Variants in NT5C2 observed in about 807,000 individuals in gnomAD.
The protein encoded by NT5C2 is cytosolic purine 5'-nucleotidase.
NT5C2 carries 58 observed loss-of-function variants against 76.1 expected under a neutral mutation model. The observed-to-expected ratio is 0.76, with a 90% confidence interval of 0.62 to 0.95. The LOEUF is 0.95. Among genes scored for constraint, NT5C2 ranks in the 40% least tolerant of loss-of-function variants. The pLI is 0.00. For synonymous variants in NT5C2, 229 were observed against 237.4 expected (o/e 0.96, Z 0.32); for missense variants, 478 against 690.3 (o/e 0.69, Z 3.45).
chr10:103,149,845 A>C (rs1426631331), intron 3 of NT5C2, among the ~76,000 whole-genome samples: 7 of 151,740 alleles, frequency 4.6e-5, no homozygotes, highest in Non-Finnish European at 1.0e-4. Flanking sequence ...CCTAAACGAC[A>C]GCAACTCTAG....
chr10:103,127,143 T>C (rs1293319329), intron 4 of NT5C2, among the ~76,000 whole-genome samples: 1 of 152,176 alleles, frequency 6.6e-6, no homozygotes, highest in Non-Finnish European at 1.5e-5. Context: ...TTAACTGTAG[T>C]TAAAGCATAA....
chr10:103,123,845 A>AC (rs1354103658), intron 4 of NT5C2, among the ~76,000 whole-genome samples: 1 of 146,826 alleles, frequency 6.8e-6, no homozygotes, highest in Non-Finnish European at 1.5e-5. Flanking sequence ...AGCCTTCGAA[A>AC]TTGGGGGGGG....
At chr10:103,103,624 A>G (rs1590824016) in intron 6 of NT5C2, among the ~76,000 whole-genome samples, 1 of 152,208 alleles carries the variant, frequency 6.6e-6, no homozygotes, top group Non-Finnish European at 1.5e-5. Flanking sequence ...GTAATATATC[A>G]TAAAAGAAAT....
chr10:103,156,163 G>GA (rs945632337), intron 3 of NT5C2, among the ~76,000 whole-genome samples: 3 of 151,498 alleles, frequency 2.0e-5, no homozygotes, highest in African/African-American at 4.9e-5. Context: ...TCCATCTCTT[G>GA]AAAAAAAAAT....
chr10:103,132,058 C>T (rs1224998963), intron 4 of NT5C2, among the ~76,000 whole-genome samples: 22 of 151,842 alleles, frequency 1.4e-4, no homozygotes, highest in Admixed American at 1.4e-3. Context: ...CTGACCAACA[C>T]GGTGAAACCC....
At chr10:103,162,497 C>T (rs2085173560) in intron 3 of NT5C2, among the ~76,000 whole-genome samples, 1 of 151,978 alleles carries the variant, frequency 6.6e-6, no homozygotes, top group Admixed American at 6.6e-5. Context: ...CAACTTAAAA[C>T]CAAAAGGAGA....
At chr10:103,182,764 C>T (rs1276275206) in intron 1 of NT5C2, among the ~76,000 whole-genome samples, 3 of 152,130 alleles carry the variant, frequency 2.0e-5, no homozygotes, top group Non-Finnish European at 4.4e-5. Context: ...TTCTCACCAG[C>T]CTGAAACTTA....
chr10:103,109,101 C>T (rs566938410), intron 4 of NT5C2, among the ~76,000 whole-genome samples: 6 of 152,172 alleles, frequency 3.9e-5, no homozygotes, highest in Admixed American at 1.3e-4. Context: ...CCGCCTGCCT[C>T]GGGCTCCCAA....
At chr10:103,188,105 C>T (rs1320236488) in intron 1 of NT5C2, among the ~76,000 whole-genome samples, 1 of 152,114 alleles carries the variant, frequency 6.6e-6, no homozygotes, top group Non-Finnish European at 1.5e-5. Flanking sequence ...GCCTGTAATC[C>T]CAATGCTTTG....
At chr10:103,183,275 A>AATATATATATATTTTATATATATATATAT (rs1554841646) in intron 1 of NT5C2, among the ~76,000 whole-genome samples, 1 of 104,922 alleles carries the variant, frequency 9.5e-6, no homozygotes, top group East Asian at 5.0e-4. Flanking sequence ...ATATATATAT[A>AATATATATATATTTTATATATATATATAT]TATATATATA....
chr10:103,190,614 G>C (rs1203568983), intron 1 of NT5C2, among the ~76,000 whole-genome samples: 1 of 152,128 alleles, frequency 6.6e-6, no homozygotes, highest in Non-Finnish European at 1.5e-5. Context: ...CTTGTCTAAG[G>C]TTAACTGAGT....
chr10:103,113,946 C>T (rs1170576814), intron 4 of NT5C2, among the ~76,000 whole-genome samples: 1 of 152,176 alleles, frequency 6.6e-6, no homozygotes, highest in Non-Finnish European at 1.5e-5. Context: ...TATGTCAAGA[C>T]TAGGCAAGTG....
At chr10:103,192,049 T>C (rs2092682940) in intron 1 of NT5C2, among the ~76,000 whole-genome samples, 1 of 152,092 alleles carries the variant, frequency 6.6e-6, no homozygotes, top group Non-Finnish European at 1.5e-5. Flanking sequence ...CTGGATAAAT[T>C]CTAACCGTTG....
chr10:103,108,716 T>A (rs544137919), intron 4 of NT5C2, among the ~76,000 whole-genome samples: 1 of 152,328 alleles, frequency 6.6e-6, no homozygotes, highest in East Asian at 1.9e-4. Flanking sequence ...TGTCAGATTT[T>A]AAAACCAGAA....
chr10:103,134,689 C>A (rs772382670), intron 4 of NT5C2, among the ~76,000 whole-genome samples: 1 of 152,146 alleles, frequency 6.6e-6, no homozygotes, highest in Non-Finnish European at 1.5e-5. Context: ...GTCCTCCAGA[C>A]CCCAGAATAA....
chr10:103,138,903 A>T (rs1272568802), intron 4 of NT5C2, among the ~76,000 whole-genome samples: 2 of 152,254 alleles, frequency 1.3e-5, no homozygotes, highest in East Asian at 3.9e-4. Context: ...GCTACCTGGG[A>T]GGCTGAGGCA....
Position 103,089,168 on chromosome 10 carries a change from A to T in NT5C2, c.*504T>A, listed in dbSNP as rs1272631717. 4.0e-5 allele frequency: 9 copies of T among 225,972 alleles called. No homozygotes were observed. Among genetic ancestry groups the T allele is most frequent in the Non-Finnish European group, 7.9e-5 (9 of 113,602 alleles). The allele number at this position is 225,972 out of a possible 1,614,324, so 14.0% of individuals were successfully genotyped here. ...ACTGAGGATGAATTAAAGGCTTATAAAAGAAAACTTGACCTTAACAGAGAC... is the reference window on the plus strand; with the variant it reads ...ACTGAGGATGAATTAAAGGCTTATATAAGAAAACTTGACCTTAACAGAGAC... On this transcript the variant is annotated 3_prime_UTR_variant, in exon 19 of 19. Coordinates refer to ENST00000404739, the MANE Select transcript of NT5C2 (RefSeq NM_001351169.2).
chr10:103,091,054 T>TAA (rs2066692727), intron 16 of NT5C2, 58 bp from the exon 17 acceptor site: 1 of 1,463,982 alleles, frequency 6.8e-7, no homozygotes, highest in Non-Finnish European at 9.5e-7. Flanking sequence ...TTTTATTCTT[T>TAA]AAGACAGTCT....
At chr10:103,169,831 A>T (rs1055987628) in intron 3 of NT5C2, among the ~76,000 whole-genome samples, 3 of 152,092 alleles carry the variant, frequency 2.0e-5, no homozygotes, top group African/African-American at 4.8e-5. Flanking sequence ...AAAATTTTTT[A>T]AATTACCAAG....
Sources: gnomAD v4.1 joint callset for allele counts (sites outside exome capture counted in the v4.1 genomes callset) on GRCh38, gnomAD v4.1.1 for gene constraint, MANE v1.5 for transcripts, NCBI Gene and HGNC (gene_info 2026-07-23, HGNC 2026-07-21) for gene names.